Variants in ABLIM2 observed in about 807,000 individuals in gnomAD.
ABLIM2 encodes actin binding LIM protein family member 2, also known as actin-binding LIM protein 2.
In ABLIM2, 53 loss-of-function variants were observed where a neutral mutation model predicts 97.7. The ratio of observed to expected loss-of-function variants is 0.54; its 90% CI spans 0.44 to 0.68. The LOEUF (loss-of-function observed/expected upper bound fraction) is 0.68. Among genes scored for constraint, ABLIM2 ranks in the 30% least tolerant of loss-of-function variants. ABLIM2 has a pLI of 0.00. For missense variants in ABLIM2, 835 were observed against 867.2 expected (o/e 0.96, Z 0.47); for synonymous variants, 361 against 345.8 (o/e 1.04, Z -0.49).
At chr4:8,018,277 C>T (rs1469989391) in intron 14 of ABLIM2, among the ~76,000 whole-genome samples, 1 of 152,196 alleles carries the variant, frequency 6.6e-6, no homozygotes, top group Non-Finnish European at 1.5e-5. Flanking sequence ...TGTAGCCCCA[C>T]CAGCACAGAA....
intron 6 of ABLIM2, among the ~76,000 whole-genome samples, chr4:8,066,365 GGAAGGAAGGAA>G (rs1561110824): frequency 0.037 from 1,944 of 52,094 alleles, 157 homozygotes; most frequent in African/African-American, 0.11. Flanking sequence ...AGGGAGGGAA[GGAAGGAAGGAA>G]GGAAGGAAGG....
intron 16 of ABLIM2, among the ~76,000 whole-genome samples, chr4:7,995,917 G>T (rs760885263): frequency 2.6e-5 from 4 of 152,124 alleles, no homozygotes; most frequent in Non-Finnish European, 2.9e-5. Flanking sequence ...GAGAGTCAAG[G>T]CCCCGAGACG....
At position 8,124,118 on chromosome 4, in the gene ABLIM2, G is replaced by C. The variant is rs1213031524; in HGVS notation, c.11-17481C>G. On this transcript the variant is annotated intron_variant, in intron 1 of 20. Coordinates refer to ENST00000447017, the MANE Select transcript of ABLIM2 (RefSeq NM_001130083.2). The surrounding 1 kb of genome is among the most constrained non-coding windows in gnomAD (Gnocchi z 6.1). ...CTCACACACCTGGGACATATGATAT[G>C]ACATCACAACCTAGAATAATTCATC... 6.6e-6 allele frequency among the ~76,000 whole-genome samples: 1 copy of C among 152,136 alleles called. No individual in the cohort carries two copies. Among genetic ancestry groups the C allele is most frequent in the African/African-American group, 2.4e-5 (1 of 41,416 alleles).
At position 7,971,437 on chromosome 4, in the gene ABLIM2, G is replaced by A. The variant is rs376020121; in HGVS notation, c.1825-4334C>T. Among the ~76,000 whole-genome samples the A allele has an allele frequency of 1.2e-4, 18 of 152,300 alleles. No homozygotes were observed. In the East Asian group the frequency reaches 2.3e-3, roughly 20 times the overall value. On this transcript the variant is annotated intron_variant, in intron 20 of 20. Coordinates refer to ENST00000447017, the MANE Select transcript of ABLIM2 (RefSeq NM_001130083.2). ...GGCAGCCTCACTGCTGAGGTGCACT[G>A]GTTTCCCCAGGGAACATCCTGCAGG...
At position 8,043,705 on chromosome 4, in the gene ABLIM2, A is replaced by T. The variant is rs1790237941; in HGVS notation, c.900+1459T>A. 6.6e-6 allele frequency among the ~76,000 whole-genome samples: 1 copy of T among 152,074 alleles called. No individual in the cohort carries two copies. The highest frequency in any genetic ancestry group is 6.6e-5 in the Admixed American group (1 of 15,264). On this transcript the variant is annotated intron_variant, in intron 9 of 20. Coordinates refer to ENST00000447017, the MANE Select transcript of ABLIM2 (RefSeq NM_001130083.2). The surrounding 1 kb of genome is among the most constrained non-coding windows in gnomAD (Gnocchi z 4.8). ...GGTTTCCAGGCTCTGGAACTTTGAG[A>T]CAATTTATTTCTGTTGTTCAAGCCC... is the stretch of plus-strand genomic sequence containing the variant.
At chr4:7,967,555 G>A (rs1723900130) in intron 20 of ABLIM2, among the ~76,000 whole-genome samples, 2 of 152,312 alleles carry the variant, frequency 1.3e-5, no homozygotes, top group South Asian at 4.1e-4. Context: ...CAGGAGGGTG[G>A]GGCGCGGACA....
chr4:8,110,466 C>T (rs559972481), intron 1 of ABLIM2, among the ~76,000 whole-genome samples: 1 of 152,232 alleles, frequency 6.6e-6, no homozygotes, highest in Admixed American at 6.5e-5. Flanking sequence ...TCTGTCTCTC[C>T]ACCCAGGCAT....
chr4:8,085,881 C>T lies in ABLIM2; in HGVS notation c.454+2288G>A, dbSNP rs1823236306. 6.6e-6 allele frequency among the ~76,000 whole-genome samples: 1 copy of T among 152,218 alleles called. No homozygotes were observed. Among genetic ancestry groups the T allele is most frequent in the Admixed American group, 6.5e-5 (1 of 15,292 alleles). ...CAGCCTCTAGTCCTAGTGGGGTGAG[C>T]TCACTTGCTTTGGAGTTGAAAGGCC... On this transcript the variant is annotated intron_variant, in intron 4 of 20. Coordinates refer to ENST00000447017, the MANE Select transcript of ABLIM2 (RefSeq NM_001130083.2). The surrounding 1 kb of genome is among the most constrained non-coding windows in gnomAD (Gnocchi z 6.1).
At chr4:7,969,159 A>T (rs1042796676) in intron 20 of ABLIM2, among the ~76,000 whole-genome samples, 9 of 151,830 alleles carry the variant, frequency 5.9e-5, no homozygotes, top group African/African-American at 2.2e-4. Flanking sequence ...AAAATAGTTA[A>T]AATGGTCAAT....
chr4:8,156,741 C>T (rs1715495935), intron 1 of ABLIM2, among the ~76,000 whole-genome samples: 1 of 152,226 alleles, frequency 6.6e-6, no homozygotes, highest in South Asian at 2.1e-4. Flanking sequence ...AGGGGACCTG[C>T]CCTTGTTGCC....
chr4:8,077,251 C>T (rs1337974346), intron 6 of ABLIM2, among the ~76,000 whole-genome samples: 1 of 152,204 alleles, frequency 6.6e-6, no homozygotes, highest in African/African-American at 2.4e-5. Flanking sequence ...ATCTGCCCTG[C>T]CTCCCGGGCG....
rs150083590 is a variant in ABLIM2, at chr4:8,073,947, C to T, written c.675+3681G>A. ...ACCAAAAATACAAAAATCAGCCAGGCGTGGTGGCTCACGCCTGTAATCCCA... is the reference window on the plus strand; with the variant it reads ...ACCAAAAATACAAAAATCAGCCAGGTGTGGTGGCTCACGCCTGTAATCCCA... On this transcript the variant is annotated intron_variant, in intron 6 of 20. Coordinates refer to ENST00000447017, the MANE Select transcript of ABLIM2 (RefSeq NM_001130083.2). Among the ~76,000 whole-genome samples the T allele has an allele frequency of 2.6e-4, 40 of 151,896 alleles. 1 individual carries two copies. In the East Asian group the frequency reaches 6.4e-3, roughly 24 times the overall value.
chr4:8,070,049 GTATC>G (rs1176450695), intron 6 of ABLIM2, among the ~76,000 whole-genome samples: 1 of 151,808 alleles, frequency 6.6e-6, no homozygotes, highest in Non-Finnish European at 1.5e-5. Context: ...GTGTGTGTAT[GTATC>G]TGTGTATCTG....
chr4:8,098,762 G>T (rs962260177), intron 2 of ABLIM2, among the ~76,000 whole-genome samples: 1 of 152,150 alleles, frequency 6.6e-6, no homozygotes, highest in Admixed American at 6.5e-5. Flanking sequence ...CTTCAGAGGG[G>T]TACACGGCAG....
rs903604640 is a variant in ABLIM2 at position 7,987,325 on chromosome 4, G to T, written c.1681-2432C>A. Among the ~76,000 whole-genome samples, 70 of 151,928 alleles carry T rather than the reference G, an allele frequency of 4.6e-4. 1 individual carries two copies. Among genetic ancestry groups the T allele is most frequent in the African/African-American group, 1.6e-3 (65 of 41,360 alleles). On this transcript the variant is annotated intron_variant, in intron 17 of 20. Coordinates refer to ENST00000447017, the MANE Select transcript of ABLIM2 (RefSeq NM_001130083.2). Reference sequence around the variant, plus strand: ...AAAAGTAGATATGGGGTCTTGCTGTGTTGCCCAGGCTGGTCTCAAACTCTT... The same window carrying T: ...AAAAGTAGATATGGGGTCTTGCTGTTTTGCCCAGGCTGGTCTCAAACTCTT...
Position 8,119,913 on chromosome 4 carries a change from C to T in ABLIM2, c.11-13276G>A, listed in dbSNP as rs892957945. On this transcript the variant is annotated intron_variant, in intron 1 of 20. Transcript: ENST00000447017. ...GAAGAGCAGACCCTTCGCCTCCGCT[C>T]AGATCTGGGGTGCGTGCTCAAGTCC... is the stretch of plus-strand genomic sequence containing the variant. 4.6e-5 allele frequency among the ~76,000 whole-genome samples: 7 copies of T among 152,216 alleles called. No individual in the cohort carries two copies. In the East Asian group the frequency reaches 1.4e-3, roughly 30 times the overall value.
chr4:8,043,505 G>A lies in ABLIM2; in HGVS notation c.900+1659C>T, dbSNP rs989348672. ...TGCATTTGGATGCAGGGCCTTAAGA[G>A]AGGTCATCAAGTTAAAACAAGACCG... On this transcript the variant is annotated intron_variant, in intron 9 of 20. Coordinates refer to ENST00000447017, the MANE Select transcript of ABLIM2 (RefSeq NM_001130083.2). The surrounding 1 kb of genome is among the most constrained non-coding windows in gnomAD (Gnocchi z 4.8). 1.3e-5 allele frequency among the ~76,000 whole-genome samples: 2 copies of A among 152,154 alleles called. No homozygotes were observed. Among genetic ancestry groups the A allele is most frequent in the East Asian group, 1.9e-4 (1 of 5,190 alleles).
At chr4:8,084,713 T>C (rs6849166) in intron 4 of ABLIM2, among the ~76,000 whole-genome samples, 8,389 of 152,290 alleles carry the variant, frequency 0.055, 668 homozygotes, top group African/African-American at 0.17. Flanking sequence ...TCAGCACGGA[T>C]GGAGCTGCTT....
chr4:8,048,557 C>T lies in ABLIM2; in HGVS notation c.823-3316G>A, dbSNP rs77362249. 7.9e-3 allele frequency among the ~76,000 whole-genome samples: 1,196 copies of T among 152,272 alleles called. 23 individuals carry two copies. The highest frequency in any genetic ancestry group is 0.045 in the East Asian group (235 of 5,174). ...GCTGGGAGGAGGCAGAGCAGAACTCCAATGCCAAGCCTCGCTCTACCGCCC... is the reference window on the plus strand; with the variant it reads ...GCTGGGAGGAGGCAGAGCAGAACTCTAATGCCAAGCCTCGCTCTACCGCCC... On this transcript the variant is annotated intron_variant, in intron 8 of 20. Transcript: ENST00000447017.
Sources: allele counts gnomAD v4.1 joint callset (sites outside exome capture counted in the v4.1 genomes callset), GRCh38; gene constraint gnomAD v4.1.1; non-coding constraint Gnocchi (gnomAD v3.1); transcripts MANE v1.5; gene names NCBI Gene and HGNC (gene_info 2026-07-23, HGNC 2026-07-21).